Variants in NFKBID observed in about 807,000 individuals in gnomAD.
NFKBID encodes the protein NFKB inhibitor delta, also known as NF-kappa-B inhibitor delta.
In NFKBID, 26 loss-of-function variants were observed where a neutral mutation model predicts 53.4. The ratio of observed to expected loss-of-function variants is 0.49; its 90% CI spans 0.36 to 0.68. NFKBID has a LOEUF of 0.68. NFKBID is among the 30% of genes least tolerant of loss of function. The pLI is 0.00. For missense variants in NFKBID, 493 were observed against 614.1 expected, an observed-to-expected ratio of 0.80 and a Z score of 2.08; for synonymous variants, 262 against 259.8, an observed-to-expected ratio of 1.01 and a Z score of -0.08.
At chr19:35,893,124 G>A (rs1046797982) in intron 9 of NFKBID, among the ~76,000 whole-genome samples, 3 of 152,112 alleles carry the variant, frequency 2.0e-5, no homozygotes, top group African/African-American at 2.4e-5. Flanking sequence ...ATTCGTGATC[G>A]CACCACAGCA....
At chr19:35,890,150 T>C in intron 10 of NFKBID, 96 bp from the exon 11 acceptor site, 2 of 1,313,478 alleles carry the variant, frequency 1.5e-6, no homozygotes, top group Non-Finnish European at 1.0e-6. Context: ...CGTCCTACAC[T>C]TGTCCTTTCA....
rs143583400 is a variant in NFKBID at position 35,889,593 on chromosome 19, C to A, written c.1314+297G>T. Among the ~76,000 whole-genome samples the A allele has an allele frequency of 5.5e-4, 84 of 151,554 alleles. No individual in the cohort carries two copies. The East Asian group carries it at 0.015, about 27-fold the overall frequency. On this transcript the variant is annotated intron_variant, in intron 11 of 11. Transcript: ENST00000641389. The stretch of plus-strand genomic sequence containing the variant: ...AGGTTAGGGGCAGGGGGTAGGAGGT[C>A]ACACTTGGGGGGATCAAAGGTCACA...
At chr19:35,890,204 T>C (rs1974661582) in intron 10 of NFKBID, 150 bp from the exon 11 acceptor site, 2 of 905,642 alleles carry the variant, frequency 2.2e-6, no homozygotes, top group Admixed American at 2.4e-5. Context: ...CATGCATCCC[T>C]GTGTCCACGG....
At chr19:35,900,333 G>T in intron 1 of NFKBID, 109 bp downstream of exon 1, 1 of 863,020 alleles carries the variant, frequency 1.2e-6, no homozygotes, top group Non-Finnish European at 1.5e-6. Context: ...CTCACTCTCG[G>T]GATAAAGGAC....
At chr19:35,900,160 G>A (rs1028221842) in intron 1 of NFKBID, among the ~76,000 whole-genome samples, 8 of 135,174 alleles carry the variant, frequency 5.9e-5, no homozygotes, top group Admixed American at 2.4e-4. Flanking sequence ...GCACCTCCAA[G>A]GACCCAGAGA....
In NFKBID at chr19:35,896,307, T is replaced by C. The variant is rs73032169; in HGVS notation, c.832-38A>G. 140 of 1,613,860 alleles carry C rather than the reference T, an allele frequency of 8.7e-5. No individual in the cohort carries two copies. The highest frequency in any genetic ancestry group is 1.2e-4 in the Non-Finnish European group (136 of 1,179,808). ...GAAGGCAGACTGCTGGGTAAGGGTA[T>C]CCCCTGGCCTCCTGGCCCTGGAAGC... On this transcript the variant is annotated intron_variant, in intron 7 of 11. Transcript: ENST00000641389. This position sits in a 1 kb window ranked among gnomAD's most constrained non-coding sequence, Gnocchi z 5.7.
intron 4 of NFKBID, 25 bp from the exon 5 acceptor site, chr19:35,897,083 G>T: frequency 1.3e-6 from 2 of 1,588,104 alleles, no homozygotes; most frequent in Non-Finnish European, 1.7e-6. Context: ...ATCCTACATA[G>T]AACTGGGTGT....
Position 35,896,983 on chromosome 19 carries a change from C to G in NFKBID, c.508G>C (p.Glu170Gln). Residue 170 changes from glutamate (E) to glutamine (Q), a missense_variant, in exon 5 of 12, where the codon GAG becomes CAG. Glu to Gln is a conservative substitution (Grantham distance 29). Coordinates refer to ENST00000641389, the Ensembl canonical transcript of NFKBID. This position sits in a 1 kb window ranked among gnomAD's most constrained non-coding sequence, Gnocchi z 5.7. ...GCCAGCATGTGAGCTCGGGCCACCT[C>G]CAGCGATGGTCCAGGGACCACAGCG... 3 of 1,608,886 alleles carry G rather than the reference C, an allele frequency of 1.9e-6. No homozygotes were observed.
exon 10 of NFKBID, chr19:35,890,440 G>C (rs202034384): frequency 7.4e-6 from 12 of 1,614,102 alleles, no homozygotes; most frequent in Non-Finnish European, 1.0e-5. Flanking sequence ...CCAGAGTGGG[G>C]TTGGCAGCCT....
upstream of NFKBID, among the ~76,000 whole-genome samples, chr19:35,900,827 C>CTTTT (rs60365058): frequency 5.5e-3 from 597 of 107,568 alleles, no homozygotes; most frequent in East Asian, 0.016. Context: ...TTTTTCTTTT[C>CTTTT]TTTTTTTTTT....
chr19:35,888,746 G>C, intron 11 of NFKBID, 134 bp from the exon 12 acceptor site: 2 of 691,852 alleles, frequency 2.9e-6, no homozygotes, highest in South Asian at 3.4e-5. Context: ...CAGAGGTCCA[G>C]AGTCAAGATT....
At chr19:35,900,757 C>G, upstream of NFKBID, 1 of 644,366 alleles carries the variant, frequency 1.6e-6, no homozygotes, top group Non-Finnish European at 2.2e-6. Flanking sequence ...CCTAGGGCAC[C>G]GGGCTCCAAG....
exon 1 of NFKBID, chr19:35,900,629 C>T (rs945769939): frequency 1.6e-6 from 2 of 1,228,422 alleles, no homozygotes; most frequent in African/African-American, 3.1e-5. Flanking sequence ...GCCTGGGAGT[C>T]CCCGGGTCGC....
chr19:35,890,442 T>G, exon 10 of NFKBID: 1 of 1,614,066 alleles, frequency 6.2e-7, no homozygotes, highest in Non-Finnish European at 8.5e-7. Flanking sequence ...AGAGTGGGGT[T>G]GGCAGCCTGC....
chr19:35,901,965 G>A (rs1258366082), upstream of NFKBID: 2 of 581,084 alleles, frequency 3.4e-6, no homozygotes, highest in Admixed American at 6.1e-5. Context: ...GTTGTGATAG[G>A]GGCAGAATCC....
chr19:35,890,232 A>G, intron 10 of NFKBID, 142 bp downstream of exon 10: 2 of 843,174 alleles, frequency 2.4e-6, no homozygotes, highest in Non-Finnish European at 3.8e-6. Context: ...GTTCTGGGGC[A>G]ATCTGTGTCT....
At position 35,896,953 on chromosome 19, in the gene NFKBID, C is replaced by T. The variant is rs1251927208; in HGVS notation, c.538G>A (p.Gly180Arg). 1.9e-6 allele frequency: 3 copies of T among 1,608,426 alleles called. No individual in the cohort carries two copies. Among genetic ancestry groups the T allele is most frequent in the Non-Finnish European group, 2.5e-6 (3 of 1,176,832 alleles). ...TCCTGGGCCAGCAGCTGCTGTGGCCCCAAAGCCAGCATGTGAGCTCGGGCC... is the reference window on the plus strand; with the variant it reads ...TCCTGGGCCAGCAGCTGCTGTGGCCTCAAAGCCAGCATGTGAGCTCGGGCC... Residue 180 changes from glycine to arginine, a missense_variant, in exon 5 of 12, where the codon GGG becomes AGG. By Grantham distance (125) the Gly-to-Arg change is moderately radical (BLOSUM62 -2). This residue lies in a region of NFKBID where 267 missense variants were observed against 384.6 expected (regional missense o/e 0.69). Transcript: ENST00000641389. The surrounding 1 kb of genome is among the most constrained non-coding windows in gnomAD (Gnocchi z 5.7).
rs1018231302 is a variant in NFKBID at position 35,895,973 on chromosome 19, C to T, written c.1032+7G>A. ...CCCAGGGTCTGACCGCCCACATCCC[C>T]GCTCACCTGGCTGGTGTGATTAGCA... On this transcript the variant is annotated splice_region_variant and intron_variant, in intron 9 of 11. Transcript: ENST00000641389. 6.2e-6 allele frequency: 10 copies of T among 1,611,602 alleles called. No individual in the cohort carries two copies. The Admixed American group carries it at 6.7e-5, about 11-fold the overall frequency.
rs371539798 is a variant in NFKBID, at chr19:35,897,691, G to A, written c.392C>T (p.Ser131Leu). 4.8e-5 allele frequency: 78 copies of A among 1,610,298 alleles called. No homozygotes were observed. The African/African-American group carries it at 7.7e-4, about 16-fold the overall frequency. The change falls in exon 4 of 12, where the codon TCG becomes TTG. Residue 131 changes from serine (S) to leucine (L), a missense_variant. Coordinates refer to ENST00000641389, the Ensembl canonical transcript of NFKBID. ...AAATGGGCACGGCTGCCCTGGGTCC[G>A]AGGGTGGGTAGAAGTCAGGAGGCAG...
Sources: gnomAD v4.1 joint callset for allele counts (sites outside exome capture counted in the v4.1 genomes callset) on GRCh38, gnomAD v4.1.1 for gene constraint, gnomAD v4.1.1 regional missense constraint, Gnocchi (gnomAD v3.1) non-coding constraint, MANE v1.5 for transcripts, NCBI Gene and HGNC (gene_info 2026-07-23, HGNC 2026-07-21) for gene names.